DNAH1: variants seen among roughly 807,000 people sequenced by gnomAD.
DNAH1 encodes the protein axonemal beta dynein heavy chain 1.
DNAH1 carries 327 observed loss-of-function variants against 484.3 expected under a neutral mutation model. That is an observed-to-expected ratio of 0.68 (90% CI 0.62 to 0.74). The LOEUF is 0.74. Among genes scored for constraint, DNAH1 ranks in the 30% least tolerant of loss-of-function variants. The probability of loss-of-function intolerance (pLI) is 0.00; values close to 1 mark genes in which losing one functional copy is unlikely to be tolerated. For missense variants in DNAH1, 5,052 were observed against 5,546.8 expected, an observed-to-expected ratio of 0.91 and a Z score of 2.83; for synonymous variants, 2,192 against 2,191.9, an observed-to-expected ratio of 1.00 and a Z score of 0.00.
chr3:52,356,594 C>T lies in DNAH1; in HGVS notation c.3694-20C>T. On this transcript the variant is annotated intron_variant, in intron 21 of 77. Transcript: ENST00000420323. ...CCTGACAGTCCATATCACACCCCTCCCTGCCCCTCCCCTCCCCAGGAGGTT... is the reference window on the plus strand; with the variant it reads ...CCTGACAGTCCATATCACACCCCTCTCTGCCCCTCCCCTCCCCAGGAGGTT... 6.2e-7 allele frequency: 1 copy of T among 1,612,072 alleles called. No individual in the cohort carries two copies. The highest frequency in any genetic ancestry group is 1.1e-5 in the South Asian group (1 of 90,952).
chr3:52,385,844 C>T (rs143547186), intron 54 of DNAH1, among the ~76,000 whole-genome samples: 1 of 151,638 alleles, frequency 6.6e-6, no homozygotes, highest in Non-Finnish European at 1.5e-5. Context: ...TGCAAAACTT[C>T]CCAGTAGATA....
Position 52,330,343 on chromosome 3 carries a change from C to T in DNAH1, c.872-805C>T, listed in dbSNP as rs555758554. 2.0e-5 allele frequency among the ~76,000 whole-genome samples: 3 copies of T among 152,204 alleles called. No homozygotes were observed. The South Asian group carries it at 6.2e-4, about 32-fold the overall frequency. On this transcript the variant is annotated intron_variant, in intron 6 of 77. Coordinates refer to ENST00000420323, the MANE Select transcript of DNAH1 (RefSeq NM_015512.5). ...GCTGATGCATAAGTAGTGTGACTTT[C>T]GGCACTGTGAGGAACAGAATGGGGT...
Position 52,345,515 on chromosome 3 carries a change from T to G in DNAH1, c.1465T>G (p.Tyr489Asp), listed in dbSNP as rs1702105737. ...PERGLVSVPK[Y>D]HFWEQKEDFT... is the part of the protein sequence containing the mutation. ...TGCAGGGCTGGTGAGTGTCCCCAAG[T>G]ACCACTTCTGGGAGCAGAAGGAGGA... The change falls in exon 10 of 78, where the codon TAC (tyrosine) becomes GAC (aspartate). Residue 489 changes from tyrosine to aspartate, a missense_variant. By Grantham distance (160) the Tyr-to-Asp change is radical. Around this residue, in one of 4 missense-constraint regions of DNAH1, gnomAD observed 1,263 missense variants for 1,218.8 expected, o/e 1.04. Coordinates refer to ENST00000420323, the MANE Select transcript of DNAH1 (RefSeq NM_015512.5). The G allele has an allele frequency of 6.4e-7, 1 of 1,570,154 alleles. No individual in the cohort carries two copies. The highest frequency in any genetic ancestry group is 1.2e-5 in the South Asian group (1 of 85,742).
At chr3:52,339,125 A>G (rs186374080) in intron 8 of DNAH1, among the ~76,000 whole-genome samples, 2 of 151,976 alleles carry the variant, frequency 1.3e-5, no homozygotes, top group East Asian at 1.9e-4. Context: ...TTATGTATCT[A>G]TATCTCTATG....
In DNAH1 at chr3:52,372,244, AACAGGCACGGGG is replaced by A; in HGVS notation, c.6686_6697del (p.Thr2229_Gly2232del). 2.5e-6 allele frequency: 4 copies of A among 1,613,946 alleles called. No homozygotes were observed. The highest frequency in any genetic ancestry group is 3.4e-6 in the Non-Finnish European group (4 of 1,179,870). On this transcript the variant is annotated inframe_deletion, in exon 43 of 78. Coordinates refer to ENST00000420323, the MANE Select transcript of DNAH1 (RefSeq NM_015512.5). ...TCTGCCAGGTGCTGTGCATTGGGCC[AACAGGCACGGGG>A]AAGACGCTCACCATCTCTGACAAGC...
intron 50 of DNAH1, 31 bp downstream of exon 50, chr3:52,382,486 G>T (rs746697249): frequency 1.2e-6 from 2 of 1,609,962 alleles, no homozygotes; most frequent in Admixed American, 3.3e-5. Flanking sequence ...GGCAGGGCTC[G>T]GGGGGGCTGG....
rs777114440 is a variant in DNAH1, at chr3:52,356,682, G to T, written c.3762G>T (p.Glu1254Asp). Residue 1254 changes from glutamate (E) to aspartate (D), a missense_variant, in exon 22 of 78, where the codon GAG becomes GAT. By Grantham distance (45) the Glu-to-Asp change is conservative (BLOSUM62 2). Transcript: ENST00000420323. The stretch of plus-strand genomic sequence containing the variant: ...ACCTGGAGCCCATCTTTAGCTCTGA[G>T]GACATCAACCAGCAGCTGCCTGTGG... ...WLYLEPIFSS[E>D]DINQQLPVES... The T allele has an allele frequency of 1.9e-6, 3 of 1,613,784 alleles. No homozygotes were observed. In the African/African-American group the frequency reaches 4.0e-5, roughly 22 times the overall value.
At chr3:52,330,529 C>T (rs569347721) in intron 6 of DNAH1, among the ~76,000 whole-genome samples, 1 of 152,334 alleles carries the variant, frequency 6.6e-6, no homozygotes, top group East Asian at 1.9e-4. Context: ...GGTCGAAACT[C>T]ACAGGAATAG....
chr3:52,392,358 G>C, intron 63 of DNAH1, 106 bp from the exon 64 acceptor site: 1 of 1,017,306 alleles, frequency 9.8e-7, no homozygotes, highest in South Asian at 1.5e-5. Flanking sequence ...CAAGGATGCT[G>C]GGCTCTTGGA....
intron 75 of DNAH1, 80 bp from the exon 76 acceptor site, chr3:52,398,770 C>A: frequency 8.0e-7 from 1 of 1,254,886 alleles, no homozygotes; most frequent in Non-Finnish European, 1.1e-6. Context: ...GTTTTTCACT[C>A]TGTGGCCTTG....
Position 52,359,384 on chromosome 3 carries a change from C to G in DNAH1, c.4405C>G (p.Gln1469Glu), listed in dbSNP as rs1248412535. ...CCAACTGTTCCCCCAGCTCTGCCAG[C>G]AGGTTGGAGTCAAGAGGACCCCTGT... ...RSQLFPQLCQ[Q>E]LSDLVALVRG... The change falls in exon 26 of 78, where the codon CAG (glutamine) becomes GAG (glutamate). Residue 1469 changes from glutamine (Q) to glutamate (E), a missense_variant and splice_region_variant. By Grantham distance (29) the Gln-to-Glu change is conservative. Around this residue, in one of 4 missense-constraint regions of DNAH1, gnomAD observed 2,929 missense variants for 3,409.4 expected, o/e 0.86. Coordinates refer to ENST00000420323, the MANE Select transcript of DNAH1 (RefSeq NM_015512.5). The G allele has an allele frequency of 1.0e-5, 16 of 1,569,612 alleles. No homozygotes were observed. The highest frequency in any genetic ancestry group is 1.4e-5 in the Non-Finnish European group (16 of 1,156,846).
chr3:52,324,495 G>A (rs974097055), intron 3 of DNAH1, among the ~76,000 whole-genome samples: 1 of 152,076 alleles, frequency 6.6e-6, no homozygotes, highest in East Asian at 1.9e-4. Flanking sequence ...CAGGGTTTGT[G>A]CCTCTCCCCT....
At chr3:52,346,801 G>A (rs1463006524) in intron 11 of DNAH1, 31 bp downstream of exon 11, 1 of 1,577,828 alleles carries the variant, frequency 6.3e-7, no homozygotes, top group Middle Eastern at 1.8e-4. Flanking sequence ...GGCACCTGTT[G>A]ACACCAGGTG....
intron 77 of DNAH1, among the ~76,000 whole-genome samples, chr3:52,400,032 T>C (rs536209338): frequency 6.6e-6 from 1 of 152,326 alleles, no homozygotes; most frequent in African/African-American, 2.4e-5. Context: ...AGCCCCAGCC[T>C]GTCATTGGGA....
chr3:52,356,377 G>A (rs1702609399), intron 21 of DNAH1, among the ~76,000 whole-genome samples: 1 of 152,196 alleles, frequency 6.6e-6, no homozygotes, highest in South Asian at 2.1e-4. Flanking sequence ...TTGGAGGCTT[G>A]GGCGTCCTGT....
At position 52,346,537 on chromosome 3, in the gene DNAH1, C is replaced by T. The variant is rs149480284; in HGVS notation, c.1722C>T (p.Arg574=). 90 of 1,613,850 alleles carry T rather than the reference C, an allele frequency of 5.6e-5. No individual in the cohort carries two copies. In the African/African-American group the frequency reaches 6.9e-4, roughly 12 times the overall value. Residue 574 remains arginine (R), a synonymous_variant, in exon 11 of 78, where the codon CGC becomes CGT. Transcript: ENST00000420323. ...AGGTGGCCATGCGCAGCAGCCTGCG[C>T]GACATGAGCAAGGGCTGGTACAACC... ...SLKVAMRSSL[R]DMSKGWYNLY...
rs1460748933 is a variant in DNAH1 at position 52,356,757 on chromosome 3, G to T, written c.3837G>T (p.Lys1279Asn). ...AGCGGATCTGGAAGAAGATCATGAA[G>T]AATGCCTACGAGAACCGGGAGGCAA... ...TMERIWKKIM[K>N]NAYENREVIN... is the part of the protein sequence containing the mutation. Residue 1279 changes from lysine to asparagine, a missense_variant, in exon 22 of 78, where the codon AAG becomes AAT. By Grantham distance (94) the Lys-to-Asn change is moderately conservative. Coordinates refer to ENST00000420323, the MANE Select transcript of DNAH1 (RefSeq NM_015512.5). The T allele has an allele frequency of 6.2e-7, 1 of 1,611,072 alleles. No homozygotes were observed. Among genetic ancestry groups the T allele is most frequent in the Non-Finnish European group, 8.5e-7 (1 of 1,178,470 alleles).
In DNAH1 at chr3:52,372,393, G is replaced by T. The variant is rs1482563846; in HGVS notation, c.6827+6G>T. 6.2e-7 allele frequency: 1 copy of T among 1,613,130 alleles called. No homozygotes were observed. Among genetic ancestry groups the T allele is most frequent in the Admixed American group, 1.7e-5 (1 of 60,032 alleles). On this transcript the variant is annotated splice_donor_region_variant and intron_variant, in intron 43 of 77. Coordinates refer to ENST00000420323, the MANE Select transcript of DNAH1 (RefSeq NM_015512.5). ...GACAGCAAGCTGGACAAGAGGCAGG[G>T]CACCCCTCCCTCCTTCCTCACCCCT...
At position 52,359,426 on chromosome 3, in the gene DNAH1, C is replaced by G. The variant is rs2306864; in HGVS notation, c.4407+40C>G. 157,473 of 1,555,682 alleles carry G rather than the reference C, an allele frequency of 0.1. 9,276 individuals are homozygous for G. Among genetic ancestry groups the G allele is most frequent in the East Asian group, 0.21 (8,682 of 41,352 alleles). ...GACCCCTGTCTGTCCCCCTCCACCC[C>G]CTACATGGCACAGGAGGGCCCAGTC... On this transcript the variant is annotated intron_variant, in intron 26 of 77. Transcript: ENST00000420323.
Sources: allele counts gnomAD v4.1 joint callset (sites outside exome capture counted in the v4.1 genomes callset), GRCh38; gene constraint gnomAD v4.1.1; regional missense constraint gnomAD v4.1.1; transcripts MANE v1.5; gene names NCBI Gene and HGNC (gene_info 2026-07-23, HGNC 2026-07-21).